Variants in PTPRN2 observed in about 807,000 individuals in gnomAD.
PTPRN2 encodes receptor-type tyrosine-protein phosphatase N2.
In PTPRN2, 74 loss-of-function variants were observed where a neutral mutation model predicts 118.8. The ratio of observed to expected loss-of-function variants is 0.62; its 90% confidence interval spans 0.52 to 0.76. The LOEUF (loss-of-function observed/expected upper bound fraction) is 0.76, where lower values mean the gene tolerates loss of function less well. Among genes scored for constraint, PTPRN2 ranks in the 30% least tolerant of loss-of-function variants. The pLI is 0.00. For synonymous variants in PTPRN2, 641 were observed against 608.0 expected, an observed-to-expected ratio of 1.05 and a Z score of -0.80; for missense variants, 1,481 against 1,394.4, an observed-to-expected ratio of 1.06 and a Z score of -0.99.
At chr7:157,852,695 C>T (rs1394191859) in intron 12 of PTPRN2, among the ~76,000 whole-genome samples, 2 of 151,954 alleles carry the variant, frequency 1.3e-5, no homozygotes, top group African/African-American at 4.8e-5. Context: ...ATGGTGAAAC[C>T]CCGTCTCTAC....
intron 16 of PTPRN2, among the ~76,000 whole-genome samples, chr7:157,601,897 G>A (rs982730580): frequency 1.3e-5 from 2 of 152,168 alleles, no homozygotes; most frequent in South Asian, 2.1e-4. Context: ...GGACGGTTTC[G>A]TGTTGCCAAC....
rs375409859 is a variant in PTPRN2 at position 157,637,745 on chromosome 7, G to A, written c.2197-16236C>T. On this transcript the variant is annotated intron_variant, in intron 14 of 22. Coordinates refer to ENST00000389418, the MANE Select transcript of PTPRN2 (RefSeq NM_002847.5). The stretch of plus-strand genomic sequence containing the variant: ...GTTCTAACAGGGAGACCTTTCAGAA[G>A]AAGGATGAGGAGGGGCGGTTGCCAG... Among the ~76,000 whole-genome samples the A allele has an allele frequency of 2.6e-5, 4 of 152,348 alleles. No homozygotes were observed. The East Asian group carries it at 5.8e-4, about 22-fold the overall frequency.
At chr7:158,491,247 G>A (rs1262262485) in intron 1 of PTPRN2, among the ~76,000 whole-genome samples, 2 of 152,188 alleles carry the variant, frequency 1.3e-5, no homozygotes, top group African/African-American at 2.4e-5. Context: ...ACAGCTTCAC[G>A]AGCCTTCCAC....
At chr7:157,945,484 G>A (rs919218372) in intron 11 of PTPRN2, among the ~76,000 whole-genome samples, 12 of 151,998 alleles carry the variant, frequency 7.9e-5, no homozygotes, top group East Asian at 1.9e-4. Context: ...CTCTTCTCCC[G>A]CTCAGTGACC....
chr7:157,543,482 C>T (rs897737659), intron 22 of PTPRN2, among the ~76,000 whole-genome samples: 1 of 152,224 alleles, frequency 6.6e-6, no homozygotes, highest in African/African-American at 2.4e-5. Flanking sequence ...CCTGGGACAA[C>T]CACGGGGTGC....
intron 12 of PTPRN2, among the ~76,000 whole-genome samples, chr7:157,712,475 G>A (rs1798692573): frequency 6.6e-6 from 1 of 152,168 alleles, no homozygotes; most frequent in Non-Finnish European, 1.5e-5. Flanking sequence ...TTGAGGCTGG[G>A]CAGGGTGGCT....
In PTPRN2 at chr7:157,990,701, C is replaced by G. The variant is rs1203957669; in HGVS notation, c.1723+90597G>C. Among the ~76,000 whole-genome samples the G allele has an allele frequency of 6.6e-6, 1 of 152,148 alleles. No homozygotes were observed. Among genetic ancestry groups the G allele is most frequent in the Non-Finnish European group, 1.5e-5 (1 of 68,026 alleles). ...GAAACAGCCTCTCATGTTGCTGGGC[C>G]GGTGCTCAGGAGCTGGGGCTGCCTG... On this transcript the variant is annotated intron_variant, in intron 11 of 22. Coordinates refer to ENST00000389418, the MANE Select transcript of PTPRN2 (RefSeq NM_002847.5). This position sits in a 1 kb window ranked among gnomAD's most constrained non-coding sequence, Gnocchi z 4.3.
chr7:157,663,976 G>A (rs1324924212), intron 13 of PTPRN2, among the ~76,000 whole-genome samples: 2 of 152,076 alleles, frequency 1.3e-5, no homozygotes, highest in Non-Finnish European at 1.5e-5. Flanking sequence ...ATTTGAAATC[G>A]CTCTAGGTTA....
chr7:158,066,011 G>A (rs1374065137), intron 11 of PTPRN2, among the ~76,000 whole-genome samples: 1 of 152,162 alleles, frequency 6.6e-6, no homozygotes, highest in South Asian at 2.1e-4. Context: ...ACACAGGGAC[G>A]GGCTTTCTTT....
chr7:157,703,190 C>T (rs1029295001), intron 12 of PTPRN2, among the ~76,000 whole-genome samples: 41 of 152,302 alleles, frequency 2.7e-4, no homozygotes, highest in African/African-American at 2.4e-4. Context: ...CTTTCCTGAG[C>T]GCCACTGGAC....
intron 2 of PTPRN2, among the ~76,000 whole-genome samples, chr7:158,453,011 GA>G (rs974574921): frequency 6.6e-6 from 1 of 152,260 alleles, no homozygotes; most frequent in Admixed American, 6.5e-5. Flanking sequence ...GGCTGGGCAT[GA>G]TGCTTTTAAC....
chr7:157,990,279 G>A lies in PTPRN2; in HGVS notation c.1723+91019C>T, dbSNP rs140230509. 5.2e-3 allele frequency among the ~76,000 whole-genome samples: 793 copies of A among 152,230 alleles called. 12 individuals carry two copies. Among genetic ancestry groups the A allele is most frequent in the African/African-American group, 0.017 (699 of 41,534 alleles). On this transcript the variant is annotated intron_variant, in intron 11 of 22. Coordinates refer to ENST00000389418, the MANE Select transcript of PTPRN2 (RefSeq NM_002847.5). The surrounding 1 kb of genome is among the most constrained non-coding windows in gnomAD (Gnocchi z 4.3). ...CAGATCATAAGCAGGATCCAGGGTCGTGTAGCGACACAGCTTCCCAAGCAG... is the reference window on the plus strand; with the variant it reads ...CAGATCATAAGCAGGATCCAGGGTCATGTAGCGACACAGCTTCCCAAGCAG...
At chr7:158,125,402 C>G (rs4909255) in intron 9 of PTPRN2, among the ~76,000 whole-genome samples, 1 of 151,970 alleles carries the variant, frequency 6.6e-6, no homozygotes, top group Middle Eastern at 3.2e-3. Flanking sequence ...GTACTTCCCA[C>G]GGCCGCTCCC....
At chr7:158,410,491 A>T (rs1020633879) in intron 2 of PTPRN2, among the ~76,000 whole-genome samples, 2 of 152,184 alleles carry the variant, frequency 1.3e-5, no homozygotes, top group African/African-American at 4.8e-5. Flanking sequence ...CTGGCCCTGA[A>T]GTTCTGCGAC....
At chr7:158,347,319 C>T (rs1807585208) in intron 2 of PTPRN2, among the ~76,000 whole-genome samples, 1 of 152,138 alleles carries the variant, frequency 6.6e-6, no homozygotes, top group African/African-American at 2.4e-5. Context: ...ATGTGGATAT[C>T]CAGTTTTTCT....
chr7:158,242,132 C>T (rs1488728791), intron 3 of PTPRN2, among the ~76,000 whole-genome samples: 1 of 152,178 alleles, frequency 6.6e-6, no homozygotes, highest in African/African-American at 2.4e-5. Flanking sequence ...AAGAGCCCAG[C>T]CTGTAACCAT....
rs141254110 is a variant in PTPRN2, at chr7:157,889,228, C to T, written c.1788+9445G>A. 3.1e-3 allele frequency among the ~76,000 whole-genome samples: 477 copies of T among 151,998 alleles called. 4 individuals are homozygous for T. Among genetic ancestry groups the T allele is most frequent in the African/African-American group, 9.5e-3 (392 of 41,428 alleles). Reference sequence around the variant, plus strand: ...ACCGTGACAGGATGAAGGTCAGACCCGCCTGGTTACCCGCCCCCATCATTA... The same window carrying T: ...ACCGTGACAGGATGAAGGTCAGACCTGCCTGGTTACCCGCCCCCATCATTA... On this transcript the variant is annotated intron_variant, in intron 12 of 22. Coordinates refer to ENST00000389418, the MANE Select transcript of PTPRN2 (RefSeq NM_002847.5).
intron 6 of PTPRN2, among the ~76,000 whole-genome samples, chr7:158,149,676 T>G (rs1437111893): frequency 1.3e-5 from 2 of 152,012 alleles, no homozygotes; most frequent in Admixed American, 6.6e-5. Flanking sequence ...TGGTGGCGCA[T>G]GCCTGTAGTC....
intron 11 of PTPRN2, among the ~76,000 whole-genome samples, chr7:157,920,045 T>C (rs1798613489): frequency 6.6e-6 from 1 of 152,184 alleles, no homozygotes; most frequent in African/African-American, 2.4e-5. Flanking sequence ...TGTAGGAGGC[T>C]GTAGCATCTA....
Sources: allele counts gnomAD v4.1 joint callset (sites outside exome capture counted in the v4.1 genomes callset), GRCh38; gene constraint gnomAD v4.1.1; non-coding constraint Gnocchi (gnomAD v3.1); transcripts MANE v1.5; gene names NCBI Gene and HGNC (gene_info 2026-07-23, HGNC 2026-07-21).